NME1: variants seen among roughly 807,000 people sequenced by gnomAD.
NME1 encodes the protein nucleoside diphosphate kinase A.
A neutral mutation model predicts 17.2 loss-of-function variants in NME1; 9 were observed. The ratio of observed to expected loss-of-function variants is 0.52; its 90% confidence interval spans 0.32 to 0.92. The LOEUF (loss-of-function observed/expected upper bound fraction) is 0.92, where lower values mean the gene tolerates loss of function less well. NME1 is among the 40% of genes least tolerant of loss of function. The probability of loss-of-function intolerance (pLI) is 0.04; values close to 1 mark genes in which losing one functional copy is unlikely to be tolerated. For missense variants in NME1, 169 were observed against 201.7 expected, an observed-to-expected ratio of 0.84 and a Z score of 0.98; for synonymous variants, 72 against 70.8, an observed-to-expected ratio of 1.02 and a Z score of -0.09.
Position 51,155,675 on chromosome 17 carries a change from C to A in NME1, c.21C>A (p.Thr7=), listed in dbSNP as rs1598235588. 3.1e-6 allele frequency: 5 copies of A among 1,614,066 alleles called. No homozygotes were observed. The highest frequency in any genetic ancestry group is 1.7e-5 in the Admixed American group (1 of 60,020). ...GAACCATGGCCAACTGTGAGCGTAC[C>A]TTCATTGCGATCAAACCAGATGGGG... MANCER[T]FIAIKPDGVQ... is the part of the protein sequence containing the mutation. The change falls in exon 2 of 5, where the codon ACC becomes ACA. Residue 7 remains threonine, a synonymous_variant. Coordinates refer to ENST00000393196, the MANE Select transcript of NME1 (RefSeq NM_000269.3).
chr17:51,158,185 C>T (rs1027845688), intron 2 of NME1, among the ~76,000 whole-genome samples: 3 of 152,118 alleles, frequency 2.0e-5, no homozygotes, highest in Non-Finnish European at 4.4e-5. Flanking sequence ...GAGGCTGAGG[C>T]GAGAGGATGG....
chr17:51,154,012 C>G, intron 1 of NME1: 1 of 303,650 alleles, frequency 3.3e-6, no homozygotes, highest in Non-Finnish European at 6.5e-6. Flanking sequence ...GCACTGAGTG[C>G]TTACTGTTGT....
chr17:51,154,300 A>G (rs969251094), intron 1 of NME1: 2 of 1,418,546 alleles, frequency 1.4e-6, no homozygotes, highest in Non-Finnish European at 2.0e-6. Flanking sequence ...AGACACACAA[A>G]CAGAAAATTG....
chr17:51,156,933 G>A (rs1357566341), intron 2 of NME1, among the ~76,000 whole-genome samples: 1 of 151,090 alleles, frequency 6.6e-6, no homozygotes, highest in African/African-American at 2.4e-5. Context: ...AACCCAGGAG[G>A]CGGAGGTTTC....
chr17:51,160,976 A>C, intron 3 of NME1, 184 bp from the exon 4 acceptor site: 1 of 735,384 alleles, frequency 1.4e-6, no homozygotes, highest in Non-Finnish European at 2.4e-6. Flanking sequence ...AAAGGCAAGC[A>C]TGAGGGCAGG....
chr17:51,162,047 G>T lies in NME1; in HGVS notation c.*202G>T. On this transcript the variant is annotated 3_prime_UTR_variant, in exon 5 of 5. Coordinates refer to ENST00000393196, the MANE Select transcript of NME1 (RefSeq NM_000269.3). ...GCTTCCTCCCAGCATAGGATTCATTGAGTTGGTTACTTCATATTGTTGCAT... is the reference window on the plus strand; with the variant it reads ...GCTTCCTCCCAGCATAGGATTCATTTAGTTGGTTACTTCATATTGTTGCAT... The T allele has an allele frequency of 1.8e-6, 1 of 559,166 alleles. No homozygotes were observed. Among genetic ancestry groups the T allele is most frequent in the Admixed American group, 3.1e-5 (1 of 32,460 alleles). The allele number at this position is 559,166 out of a possible 1,614,324, so 34.6% of individuals were successfully genotyped here. A position where few individuals can be genotyped will look rare whatever the true frequency, so the allele number is the denominator to read the frequency against.
chr17:51,160,118 T>A lies in NME1; in HGVS notation c.228+37T>A, dbSNP rs373681502. On this transcript the variant is annotated intron_variant, in intron 3 of 4. Coordinates refer to ENST00000393196, the MANE Select transcript of NME1 (RefSeq NM_000269.3). ...TGTGTGGGATACTCCAAGTATGCATTGCTTGTCATCTGTGCTAGGCTCTCT... is the reference window on the plus strand; with the variant it reads ...TGTGTGGGATACTCCAAGTATGCATAGCTTGTCATCTGTGCTAGGCTCTCT... 7 of 1,608,202 alleles carry A rather than the reference T, an allele frequency of 4.4e-6. No individual in the cohort carries two copies. In the African/African-American group the frequency reaches 9.4e-5, roughly 21 times the overall value.
chr17:51,160,292 G>T (rs2049846131), intron 3 of NME1: 2 of 664,988 alleles, frequency 3.0e-6, no homozygotes, highest in East Asian at 5.7e-5. Flanking sequence ...GGTGATCAAA[G>T]AACGCAATTT....
rs762163393 is a variant in NME1 at position 51,154,468 on chromosome 17, G to A, written c.-5+806G>A. 6 of 1,599,244 alleles carry A rather than the reference G, an allele frequency of 3.8e-6. No individual in the cohort carries two copies. The Admixed American group carries it at 1.0e-4, about 27-fold the overall frequency. On this transcript the variant is annotated intron_variant, in intron 1 of 4. Coordinates refer to ENST00000393196, the MANE Select transcript of NME1 (RefSeq NM_000269.3). ...GGGTAGGTCATGAGCGCAGTCTTCTGTAAAATGAGGGATCTGGACGGAATA... is the reference window on the plus strand; with the variant it reads ...GGGTAGGTCATGAGCGCAGTCTTCTATAAAATGAGGGATCTGGACGGAATA...
chr17:51,160,096 G>A lies in NME1; in HGVS notation c.228+15G>A, dbSNP rs539054154. ...TAGTTGCCATGGTGAGTGTGCCTGT[G>A]TGGGATACTCCAAGTATGCATTGCT... On this transcript the variant is annotated intron_variant, in intron 3 of 4. Coordinates refer to ENST00000393196, the MANE Select transcript of NME1 (RefSeq NM_000269.3). 3.7e-6 allele frequency: 6 copies of A among 1,613,104 alleles called. No individual in the cohort carries two copies. The Admixed American group carries it at 5.0e-5, about 13-fold the overall frequency.
intron 2 of NME1, 86 bp downstream of exon 2, chr17:51,155,866 T>C: frequency 6.3e-7 from 1 of 1,591,316 alleles, no homozygotes; most frequent in Non-Finnish European, 8.6e-7. Context: ...GTCTTTCTTA[T>C]TTAAAGTTCT....
At chr17:51,159,096 A>G (rs998524525) in intron 2 of NME1, among the ~76,000 whole-genome samples, 4 of 152,078 alleles carry the variant, frequency 2.6e-5, no homozygotes, top group African/African-American at 9.7e-5. Flanking sequence ...TCCTTCTAAC[A>G]TTTTATTTGG....
chr17:51,161,895 T>G lies in NME1; in HGVS notation c.*50T>G. 8.6e-7 allele frequency: 1 copy of G among 1,157,626 alleles called. No homozygotes were observed. The highest frequency in any genetic ancestry group is 1.2e-5 in the South Asian group (1 of 81,882). The allele number at this position is 1,157,626 out of a possible 1,614,324, so 71.7% of individuals were successfully genotyped here. A position where few individuals can be genotyped will look rare whatever the true frequency, so the allele number is the denominator to read the frequency against. ...TCACATCCATTTCCCCTCCTTCCCA[T>G]GGGCAGAGGACCAGGCTGTAGGAAA... On this transcript the variant is annotated 3_prime_UTR_variant, in exon 5 of 5. Transcript: ENST00000393196.
rs186719831 is a variant in NME1 at position 51,160,176 on chromosome 17, C to T, written c.228+95C>T. The T allele has an allele frequency of 3.4e-5, 44 of 1,309,902 alleles. No homozygotes were observed. The Admixed American group carries it at 7.1e-4, about 21-fold the overall frequency. 81.1% of individuals were successfully genotyped at this position (1,309,902 alleles called of 1,614,324 possible). A position where few individuals can be genotyped will look rare whatever the true frequency, so the allele number is the denominator to read the frequency against. ...ACTGGGGATACAGCCATGAATGAGA[C>T]CAAATAGATACCTGTTTTCATATAC... On this transcript the variant is annotated intron_variant, in intron 3 of 4. Transcript: ENST00000393196.
intron 1 of NME1, chr17:51,154,444 G>C: frequency 1.9e-6 from 3 of 1,613,858 alleles, no homozygotes; most frequent in Non-Finnish European, 8.5e-7. Flanking sequence ...TGTGATACAG[G>C]GTAGGTCATG....
intron 2 of NME1, among the ~76,000 whole-genome samples, chr17:51,159,746 C>A (rs1450986028): frequency 1.3e-5 from 2 of 151,722 alleles, no homozygotes; most frequent in Non-Finnish European, 2.9e-5. Flanking sequence ...TTTTAATGTT[C>A]TGTGGTTTTA....
chr17:51,157,726 T>C (rs1382527681), intron 2 of NME1, among the ~76,000 whole-genome samples: 4 of 152,156 alleles, frequency 2.6e-5, no homozygotes, highest in African/African-American at 9.7e-5. Flanking sequence ...AGAGGTTCAG[T>C]GATGTGCCTG....
chr17:51,157,272 T>C (rs760671539), intron 2 of NME1, among the ~76,000 whole-genome samples: 1 of 152,158 alleles, frequency 6.6e-6, no homozygotes, highest in Non-Finnish European at 1.5e-5. Context: ...CTGATGTTCA[T>C]GCTGAGAGGA....
rs551724433 is a variant in NME1, at chr17:51,162,144, G to T, written c.*299G>T. ...TAGAGAGTGTAAATACTATAAAAAT[G>T]ATTTATTTTGAGGTCTCACATACAC... On this transcript the variant is annotated 3_prime_UTR_variant, in exon 5 of 5. Coordinates refer to ENST00000393196, the MANE Select transcript of NME1 (RefSeq NM_000269.3). 11 of 293,114 alleles carry T rather than the reference G, an allele frequency of 3.8e-5. No individual in the cohort carries two copies. In the South Asian group the frequency reaches 4.4e-4, roughly 12 times the overall value. 18.2% of individuals were successfully genotyped at this position (293,114 alleles called of 1,614,324 possible). A position where few individuals can be genotyped will look rare whatever the true frequency, so the allele number is the denominator to read the frequency against.
Sources: allele counts gnomAD v4.1 joint callset (sites outside exome capture counted in the v4.1 genomes callset), GRCh38; gene constraint gnomAD v4.1.1; transcripts MANE v1.5; gene names NCBI Gene and HGNC (gene_info 2026-07-23, HGNC 2026-07-21).